Variants in GLCCI1 observed in about 807,000 individuals in gnomAD.
The protein encoded by GLCCI1 is glucocorticoid induced 1, also known as glucocorticoid-induced transcript 1 protein.
Under a neutral mutation model 52.2 loss-of-function variants are expected in GLCCI1, and 24 were observed. That is an observed-to-expected ratio of 0.46 (90% CI 0.33 to 0.65). The LOEUF (loss-of-function observed/expected upper bound fraction) is 0.65. GLCCI1 is among the 30% of genes least tolerant of loss of function. GLCCI1 has a pLI of 0.02. For missense variants in GLCCI1, 704 were observed against 701.5 expected, an observed-to-expected ratio of 1.00 and a Z score of -0.04; for synonymous variants, 310 against 276.5, an observed-to-expected ratio of 1.12 and a Z score of -1.20.
At chr7:7,986,232 G>A (rs1426296399) in intron 1 of GLCCI1, among the ~76,000 whole-genome samples, 3 of 151,720 alleles carry the variant, frequency 2.0e-5, no homozygotes, top group East Asian at 3.9e-4. Flanking sequence ...ACCTAGTGTG[G>A]CCAGGCACAG....
intron 3 of GLCCI1, among the ~76,000 whole-genome samples, chr7:8,029,206 A>C (rs1781693090): frequency 1.3e-5 from 2 of 152,192 alleles, no homozygotes; most frequent in African/African-American, 4.8e-5. Flanking sequence ...ATCCTCAACA[A>C]AATAACTAGC....
chr7:8,043,587 A>C (rs1437169403), intron 3 of GLCCI1, among the ~76,000 whole-genome samples: 1 of 152,250 alleles, frequency 6.6e-6, no homozygotes, highest in Non-Finnish European at 1.5e-5. Flanking sequence ...GATGATTGAC[A>C]ATAAATAGAA....
In GLCCI1 at chr7:8,087,748, C is replaced by CTT. The variant is rs994776629; in HGVS notation, c.*1211_*1212dup. On this transcript the variant is annotated 3_prime_UTR_variant, in exon 8 of 8. Transcript: ENST00000223145. ...CAACATAAGCAGGTTTTTTTGGTGA[C>CTT]TTACAAGAGCAATAGTTTGAAGCTA... The CTT allele has an allele frequency of 3.9e-5, 6 of 152,514 alleles. No homozygotes were observed. The highest frequency in any genetic ancestry group is 8.8e-5 in the Non-Finnish European group (6 of 68,022). 9.4% of individuals were successfully genotyped at this position (152,514 alleles called of 1,614,324 possible).
chr7:8,015,357 C>T (rs558337003), intron 2 of GLCCI1, among the ~76,000 whole-genome samples: 2 of 152,302 alleles, frequency 1.3e-5, no homozygotes, highest in East Asian at 3.9e-4. Flanking sequence ...GTTTCCTGTG[C>T]CCTTGTCAAA....
chr7:8,017,539 G>C (rs1195347019), intron 2 of GLCCI1, among the ~76,000 whole-genome samples: 2 of 152,102 alleles, frequency 1.3e-5, no homozygotes, highest in Non-Finnish European at 2.9e-5. Flanking sequence ...CTGAGAATTT[G>C]CTTTTCTAAC....
intron 2 of GLCCI1, among the ~76,000 whole-genome samples, chr7:8,021,409 T>C (rs1781483278): frequency 6.6e-6 from 1 of 152,176 alleles, no homozygotes; most frequent in Admixed American, 6.5e-5. Context: ...TTTAATATTG[T>C]TTAATTATTA....
At chr7:7,976,959 T>C (rs1780485714) in intron 1 of GLCCI1, among the ~76,000 whole-genome samples, 1 of 151,820 alleles carries the variant, frequency 6.6e-6, no homozygotes, top group Admixed American at 6.6e-5. Context: ...ACCAACCATC[T>C]AGATGTGTTT....
intron 3 of GLCCI1, among the ~76,000 whole-genome samples, chr7:8,039,238 C>G (rs1781942628): frequency 1.3e-5 from 2 of 152,132 alleles, no homozygotes; most frequent in East Asian, 1.9e-4. Context: ...TCCAGTAGTC[C>G]TACTACTGGG....
chr7:8,012,366 A>G (rs1297878077), intron 2 of GLCCI1, among the ~76,000 whole-genome samples: 1 of 149,854 alleles, frequency 6.7e-6, no homozygotes, highest in Non-Finnish European at 1.5e-5. Context: ...TATACTGGAT[A>G]TAAATCTCTT....
At chr7:8,070,720 A>G (rs901340882) in intron 5 of GLCCI1, 5 of 543,586 alleles carry the variant, frequency 9.2e-6, no homozygotes, top group Middle Eastern at 5.1e-4. Flanking sequence ...AAGGCAAACA[A>G]TTTGATTTAA....
rs149130535 is a variant in GLCCI1 at position 8,069,467 on chromosome 7, T to C, written c.967-1454T>C. ...TTTCGGTTGCCTCTGGGAGCTCCACTGCAGAAACACAGATCCGTTGCTACT... is the reference window on the plus strand; with the variant it reads ...TTTCGGTTGCCTCTGGGAGCTCCACCGCAGAAACACAGATCCGTTGCTACT... On this transcript the variant is annotated intron_variant, in intron 5 of 7. Coordinates refer to ENST00000223145, the MANE Select transcript of GLCCI1 (RefSeq NM_138426.4). Among the ~76,000 whole-genome samples, 924 of 152,250 alleles carry C rather than the reference T, an allele frequency of 6.1e-3. 9 individuals carry two copies. Among genetic ancestry groups the C allele is most frequent in the Non-Finnish European group, 8.9e-3 (608 of 68,012 alleles).
chr7:8,064,499 A>G (rs1246282552), intron 5 of GLCCI1, among the ~76,000 whole-genome samples: 1 of 152,124 alleles, frequency 6.6e-6, no homozygotes, highest in Non-Finnish European at 1.5e-5. Flanking sequence ...TTTGGTTACT[A>G]TGTCCTTGTA....
At chr7:8,024,522 A>G (rs915307613) in intron 3 of GLCCI1, among the ~76,000 whole-genome samples, 1 of 152,258 alleles carries the variant, frequency 6.6e-6, no homozygotes, top group Non-Finnish European at 1.5e-5. Flanking sequence ...AAGTAACGCC[A>G]GATATTAATT....
intron 6 of GLCCI1, among the ~76,000 whole-genome samples, chr7:8,084,488 T>C (rs1022631670): frequency 7.2e-5 from 11 of 152,206 alleles, no homozygotes; most frequent in African/African-American, 2.7e-4. Flanking sequence ...ATTATTCATT[T>C]TCGTTAAATT....
intron 3 of GLCCI1, among the ~76,000 whole-genome samples, chr7:8,034,938 C>CTGGGT (rs2127952795): frequency 6.6e-6 from 1 of 152,276 alleles, no homozygotes; most frequent in East Asian, 1.9e-4. Context: ...CCAGCTCATG[C>CTGGGT]TGGGTTGCTT....
chr7:8,006,392 A>G (rs1287583579), intron 2 of GLCCI1, among the ~76,000 whole-genome samples: 3 of 152,196 alleles, frequency 2.0e-5, no homozygotes, highest in Non-Finnish European at 4.4e-5. Context: ...GTGGAGATAG[A>G]AGGAAAGAAC....
chr7:8,022,510 G>T lies in GLCCI1; in HGVS notation c.637G>T (p.Ala213Ser). 1 of 1,585,532 alleles carries T rather than the reference G, an allele frequency of 6.3e-7. No individual in the cohort carries two copies. The highest frequency in any genetic ancestry group is 1.1e-5 in the South Asian group (1 of 87,260). The change falls in exon 3 of 8, where the codon GCA becomes TCA. Residue 213 changes from alanine (A) to serine (S), a missense_variant. Around this residue, in one of 3 missense-constraint regions of GLCCI1, gnomAD observed 547 missense variants for 524.8 expected, o/e 1.04. Transcript: ENST00000223145. ...ACCTAGCTGTTGGGCAGAAGAGGGT[G>T]CAGAAAAGAGGTCACATCAGCGTTC... The part of the protein sequence containing the change: ...QTPSCWAEEG[A>S]EKRSHQRSAS...
chr7:8,045,240 C>A (rs1782094425), intron 3 of GLCCI1, among the ~76,000 whole-genome samples: 1 of 152,070 alleles, frequency 6.6e-6, no homozygotes, highest in Non-Finnish European at 1.5e-5. Flanking sequence ...GGATGAGAAC[C>A]AACCCTGGAC....
At chr7:8,016,592 A>T (rs957098215) in intron 2 of GLCCI1, among the ~76,000 whole-genome samples, 7 of 152,250 alleles carry the variant, frequency 4.6e-5, no homozygotes, top group Non-Finnish European at 1.0e-4. Context: ...TAAATGAATG[A>T]ATAAATGAAT....
Sources: gnomAD v4.1 joint callset for allele counts (sites outside exome capture counted in the v4.1 genomes callset) on GRCh38, gnomAD v4.1.1 for gene constraint, gnomAD v4.1.1 regional missense constraint, MANE v1.5 for transcripts, NCBI Gene and HGNC (gene_info 2026-07-23, HGNC 2026-07-21) for gene names.